EPHB1: variants seen among roughly 807,000 people sequenced by gnomAD.
EPHB1 encodes the protein EPH receptor B1.
EPHB1 carries 30 observed loss-of-function variants against 94.4 expected under a neutral mutation model. The ratio of observed to expected loss-of-function variants is 0.32; its 90% CI spans 0.24 to 0.43. The LOEUF (loss-of-function observed/expected upper bound fraction) is 0.43. Ranked by LOEUF, EPHB1 falls within the 20% of genes least tolerant of loss-of-function variation. The probability of loss-of-function intolerance (pLI) is 1.00; values close to 1 mark genes in which losing one functional copy is unlikely to be tolerated. For missense variants in EPHB1, 1,055 were observed against 1,308.3 expected, an observed-to-expected ratio of 0.81 and a Z score of 2.99; for synonymous variants, 522 against 489.1, an observed-to-expected ratio of 1.07 and a Z score of -0.89.
chr3:135,050,783 A>G (rs1274705804), intron 3 of EPHB1, among the ~76,000 whole-genome samples: 1 of 152,142 alleles, frequency 6.6e-6, no homozygotes, highest in Non-Finnish European at 1.5e-5. Context: ...CTCTCTCGCC[A>G]TATGACACGC....
chr3:134,963,101 C>G (rs1371512050), intron 3 of EPHB1, among the ~76,000 whole-genome samples: 1 of 151,708 alleles, frequency 6.6e-6, no homozygotes, highest in Non-Finnish European at 1.5e-5. Context: ...TTTCCCCTCC[C>G]TTCCCCTCCT....
At chr3:134,838,321 A>G (rs1250696583) in intron 1 of EPHB1, among the ~76,000 whole-genome samples, 1 of 152,318 alleles carries the variant, frequency 6.6e-6, no homozygotes, top group South Asian at 2.1e-4. Flanking sequence ...ACACTGAGGC[A>G]CAGGAAAATT....
At chr3:134,863,839 C>T (rs747332152) in intron 1 of EPHB1, among the ~76,000 whole-genome samples, 1 of 152,208 alleles carries the variant, frequency 6.6e-6, no homozygotes, top group South Asian at 2.1e-4. Context: ...GTCCAGCTTC[C>T]TATGCCGTAG....
intron 12 of EPHB1, among the ~76,000 whole-genome samples, chr3:135,235,404 TAA>T (rs1274690281): frequency 3.9e-5 from 6 of 152,182 alleles, no homozygotes; most frequent in Admixed American, 3.3e-4. Context: ...TAGTAAATTT[TAA>T]AGTCTGGGTT....
chr3:135,239,876 C>A (rs1398799664), intron 12 of EPHB1, among the ~76,000 whole-genome samples: 1 of 152,188 alleles, frequency 6.6e-6, no homozygotes, highest in Non-Finnish European at 1.5e-5. Flanking sequence ...TACTTGTTCT[C>A]TAGGGCTGAG....
At chr3:134,980,299 G>A (rs1934355548) in intron 3 of EPHB1, among the ~76,000 whole-genome samples, 1 of 152,162 alleles carries the variant, frequency 6.6e-6, no homozygotes, top group Non-Finnish European at 1.5e-5. Context: ...CTTATGTGGT[G>A]CTTCAGGATT....
intron 9 of EPHB1, among the ~76,000 whole-genome samples, chr3:135,178,743 G>A (rs1942064604): frequency 6.6e-6 from 1 of 152,098 alleles, no homozygotes; most frequent in Non-Finnish European, 1.5e-5. Context: ...TCAGCCTTGG[G>A]CCCTAGTCAC....
chr3:134,884,385 C>T (rs149949843), intron 1 of EPHB1, among the ~76,000 whole-genome samples: 16 of 152,314 alleles, frequency 1.1e-4, no homozygotes, highest in African/African-American at 3.6e-4. Flanking sequence ...TTTTTGTATG[C>T]ATATGCTTAT....
At chr3:134,817,253 G>A (rs536026560) in intron 1 of EPHB1, among the ~76,000 whole-genome samples, 127 of 152,316 alleles carry the variant, frequency 8.3e-4, no homozygotes, top group Non-Finnish European at 1.5e-3. Context: ...GGAATTGGGG[G>A]GCACTGGACA....
chr3:135,203,219 G>A (rs1324624453), intron 12 of EPHB1, among the ~76,000 whole-genome samples: 3 of 152,248 alleles, frequency 2.0e-5, no homozygotes, highest in African/African-American at 7.2e-5. Flanking sequence ...TGTGACACAT[G>A]TGAACATCAC....
intron 1 of EPHB1, among the ~76,000 whole-genome samples, chr3:134,825,678 T>C (rs2036463474): frequency 6.6e-6 from 1 of 152,138 alleles, no homozygotes; most frequent in African/African-American, 2.4e-5. Context: ...GGGAATAGGT[T>C]TGGTGGGGCT....
At chr3:134,834,884 G>C (rs1304551472) in intron 1 of EPHB1, among the ~76,000 whole-genome samples, 1 of 152,202 alleles carries the variant, frequency 6.6e-6, no homozygotes, top group Non-Finnish European at 1.5e-5. Context: ...AGAGAAGTCA[G>C]CCTGGGATTA....
chr3:134,987,060 C>T (rs1422453914), intron 3 of EPHB1, among the ~76,000 whole-genome samples: 4 of 152,100 alleles, frequency 2.6e-5, no homozygotes, highest in South Asian at 2.1e-4. Context: ...AAGATACTTA[C>T]ACAGAGGGAA....
At chr3:135,008,944 A>G (rs538613362) in intron 3 of EPHB1, among the ~76,000 whole-genome samples, 1 of 152,342 alleles carries the variant, frequency 6.6e-6, no homozygotes, top group South Asian at 2.1e-4. Context: ...GATTGAGTGC[A>G]TTCAGTGCGG....
chr3:135,147,890 A>T (rs767043864), intron 5 of EPHB1, among the ~76,000 whole-genome samples: 3 of 152,110 alleles, frequency 2.0e-5, no homozygotes, highest in Non-Finnish European at 4.4e-5. Context: ...CACACACAAC[A>T]CTGTTTTCCC....
At chr3:134,928,999 C>G (rs1047429272) in intron 2 of EPHB1, among the ~76,000 whole-genome samples, 5 of 152,058 alleles carry the variant, frequency 3.3e-5, no homozygotes, top group South Asian at 2.1e-4. Flanking sequence ...CAGATGGTTT[C>G]AGAGGGGCCC....
At chr3:134,907,749 G>A (rs2038363779) in intron 1 of EPHB1, among the ~76,000 whole-genome samples, 1 of 151,956 alleles carries the variant, frequency 6.6e-6, no homozygotes, top group Non-Finnish European at 1.5e-5. Flanking sequence ...GTAGAACTTG[G>A]CTGTATTACT....
chr3:134,967,128 C>T (rs963084024), intron 3 of EPHB1, among the ~76,000 whole-genome samples: 3 of 152,198 alleles, frequency 2.0e-5, no homozygotes, highest in African/African-American at 7.2e-5. Context: ...GCATTTTCTT[C>T]AGGCATGAGA....
At chr3:135,067,084 G>T (rs1224848025) in intron 3 of EPHB1, among the ~76,000 whole-genome samples, 2 of 152,220 alleles carry the variant, frequency 1.3e-5, no homozygotes, top group Non-Finnish European at 2.9e-5. Flanking sequence ...ACCTGTTCTG[G>T]TGGAGGTGGC....
Sources: gnomAD v4.1 joint callset for allele counts (sites outside exome capture counted in the v4.1 genomes callset) on GRCh38, gnomAD v4.1.1 for gene constraint, MANE v1.5 for transcripts, NCBI Gene and HGNC (gene_info 2026-07-23, HGNC 2026-07-21) for gene names.